The following MYO3A variants were observed in gnomAD, a reference collection of about 807,000 sequenced individuals.
MYO3A encodes the protein myosin IIIA, also known as myosin-IIIa.
A neutral mutation model predicts 192.7 loss-of-function variants in MYO3A; 180 were observed. The observed-to-expected ratio is 0.93, with a 90% CI of 0.83 to 1.06. MYO3A has a LOEUF of 1.06. Ranked by LOEUF, MYO3A falls within the 50% of genes least tolerant of loss-of-function variation. MYO3A has a pLI of 0.00. For missense variants in MYO3A, 1,896 were observed against 1,905.0 expected (o/e 1.00, Z 0.09); for synonymous variants, 628 against 645.3 (o/e 0.97, Z 0.41).
intron 10 of MYO3A, among the ~76,000 whole-genome samples, chr10:26,043,469 A>G (rs1843469512): frequency 6.6e-6 from 1 of 152,100 alleles, no homozygotes; most frequent in East Asian, 1.9e-4. Context: ...TGGAGTCAAG[A>G]ACCTTGGAAA....
chr10:26,109,002 T>A (rs912158437), intron 17 of MYO3A, among the ~76,000 whole-genome samples: 2 of 152,216 alleles, frequency 1.3e-5, no homozygotes, highest in African/African-American at 4.8e-5. Context: ...AAAGCTAACT[T>A]TATAACCCAG....
chr10:26,211,014 A>G (rs978411544), intron 34 of MYO3A, among the ~76,000 whole-genome samples: 1 of 151,362 alleles, frequency 6.6e-6, no homozygotes, highest in Non-Finnish European at 1.5e-5. Flanking sequence ...CTCTTTCCCC[A>G]TTACCCAGCT....
chr10:25,997,671 G>A (rs2130907929), intron 6 of MYO3A, among the ~76,000 whole-genome samples: 1 of 152,250 alleles, frequency 6.6e-6, no homozygotes, highest in South Asian at 2.1e-4. Flanking sequence ...CTCCTAAGGA[G>A]AAACAGGAAA....
chr10:26,098,525 A>T (rs896571419), intron 17 of MYO3A, among the ~76,000 whole-genome samples: 4 of 152,128 alleles, frequency 2.6e-5, no homozygotes, highest in Non-Finnish European at 4.4e-5. Context: ...GGTTTTCTTC[A>T]AGAGTTTTTA....
chr10:26,077,036 G>C (rs944479497), intron 14 of MYO3A, among the ~76,000 whole-genome samples: 1 of 151,956 alleles, frequency 6.6e-6, no homozygotes, highest in African/African-American at 2.4e-5. Flanking sequence ...TGTGAAGAAT[G>C]ATGGTGGTAT....
chr10:26,110,019 G>T (rs1425969185), intron 17 of MYO3A, among the ~76,000 whole-genome samples: 1 of 152,152 alleles, frequency 6.6e-6, no homozygotes, highest in African/African-American at 2.4e-5. Context: ...AGGACAACAA[G>T]AAAGTTGTAC....
chr10:26,075,715 C>CAT (rs370934317), intron 14 of MYO3A, among the ~76,000 whole-genome samples: 12 of 143,416 alleles, frequency 8.4e-5, no homozygotes, highest in Non-Finnish European at 1.8e-4. Context: ...ATGTCTCTCT[C>CAT]ATATATATAT....
At chr10:26,088,536 G>A (rs1836485245) in intron 15 of MYO3A, 131 bp downstream of exon 15, 2 of 843,082 alleles carry the variant, frequency 2.4e-6, no homozygotes, top group Non-Finnish European at 3.8e-6. Flanking sequence ...TTACTATTGA[G>A]AATGAAGAGA....
In MYO3A at chr10:26,016,891, C is replaced by T. The variant is rs762107412; in HGVS notation, c.580C>T (p.Pro194Ser). The T allele has an allele frequency of 1.2e-6, 2 of 1,613,992 alleles. No homozygotes were observed. The highest frequency in any genetic ancestry group is 2.2e-5 in the East Asian group (1 of 44,890). Residue 194 changes from proline to serine, a missense_variant, in exon 7 of 35, where the codon CCT (proline) becomes TCT (serine). Physicochemically the swap from Pro to Ser is moderately conservative, Grantham distance 74 (BLOSUM62 -1). Coordinates refer to ENST00000642920, the MANE Select transcript of MYO3A (RefSeq NM_017433.5). ...TSVGTPFWMA[P>S]EVIACEQQLD... ...CGTAGGAACACCGTTTTGGATGGCT[C>T]CTGAGGTCAGATAGAGTTTTGAGGC...
At chr10:26,043,399 G>C (rs969289755) in intron 10 of MYO3A, among the ~76,000 whole-genome samples, 1 of 152,182 alleles carries the variant, frequency 6.6e-6, no homozygotes, top group Non-Finnish European at 1.5e-5. Context: ...CTTCAGTTCA[G>C]GACAGTGAGT....
chr10:26,155,402 T>G (rs1469629335), intron 25 of MYO3A, among the ~76,000 whole-genome samples: 1 of 152,224 alleles, frequency 6.6e-6, no homozygotes, highest in Non-Finnish European at 1.5e-5. Context: ...TACTTTTTTT[T>G]CCTCTGTGCT....
intron 4 of MYO3A, among the ~76,000 whole-genome samples, chr10:25,975,457 A>T (rs79141012): frequency 0.036 from 5,552 of 152,254 alleles, 371 homozygotes; most frequent in African/African-American, 0.12. Context: ...ATCAAAGAAG[A>T]GGGTGTAACA....
intron 15 of MYO3A, among the ~76,000 whole-genome samples, chr10:26,091,142 A>C (rs964377024): frequency 6.6e-6 from 1 of 152,226 alleles, no homozygotes. Flanking sequence ...CCAGAGCAAG[A>C]CAAAGAAGAG....
intron 25 of MYO3A, 63 bp downstream of exon 25, chr10:26,154,886 A>T (rs1204141449): frequency 4.4e-6 from 6 of 1,352,482 alleles, no homozygotes; most frequent in Non-Finnish European, 5.2e-6. Context: ...TGAGTTACAG[A>T]TCAAAAGCCA....
chr10:25,955,544 T>C (rs1837485482), intron 4 of MYO3A, among the ~76,000 whole-genome samples: 1 of 152,158 alleles, frequency 6.6e-6, no homozygotes, highest in African/African-American at 2.4e-5. Flanking sequence ...AAAGCTGTAG[T>C]GTCTGCCCTT....
At chr10:26,104,643 T>A (rs1837678274) in intron 17 of MYO3A, among the ~76,000 whole-genome samples, 2 of 152,048 alleles carry the variant, frequency 1.3e-5, no homozygotes, top group African/African-American at 4.8e-5. Context: ...TTTAAAATTT[T>A]TTTTGGCTTT....
chr10:26,066,380 A>G (rs1242743959), intron 10 of MYO3A, among the ~76,000 whole-genome samples: 5 of 152,216 alleles, frequency 3.3e-5, no homozygotes, highest in Non-Finnish European at 7.3e-5. Context: ...AAAAGTTTAA[A>G]TAAACCATTG....
At chr10:26,204,690 T>C (rs1843830022) in intron 34 of MYO3A, among the ~76,000 whole-genome samples, 1 of 152,238 alleles carries the variant, frequency 6.6e-6, no homozygotes, top group African/African-American at 2.4e-5. Context: ...AGTTTAGAGT[T>C]GATGGCCTTA....
intron 2 of MYO3A, among the ~76,000 whole-genome samples, chr10:25,945,156 G>A (rs1836756202): frequency 6.6e-6 from 1 of 151,970 alleles, no homozygotes; most frequent in African/African-American, 2.4e-5. Flanking sequence ...GTTTAATAGT[G>A]TACTGCTTAA....
Sources: allele counts gnomAD v4.1 joint callset (sites outside exome capture counted in the v4.1 genomes callset), GRCh38; gene constraint gnomAD v4.1.1; transcripts MANE v1.5; gene names NCBI Gene and HGNC (gene_info 2026-07-23, HGNC 2026-07-21).